Variants in ARHGAP24 observed in about 807,000 individuals in gnomAD.
The protein encoded by ARHGAP24 is Rho GTPase activating protein 24.
A neutral mutation model predicts 76.4 loss-of-function variants in ARHGAP24; 50 were observed. The observed-to-expected ratio is 0.65, with a 90% CI of 0.52 to 0.83. The LOEUF is 0.83. Ranked by LOEUF, ARHGAP24 falls within the 40% of genes least tolerant of loss-of-function variation. The probability of loss-of-function intolerance (pLI) is 0.00; values close to 1 mark genes in which losing one functional copy is unlikely to be tolerated. For missense variants in ARHGAP24, 930 were observed against 914.2 expected (o/e 1.02, Z -0.22); for synonymous variants, 345 against 323.3 (o/e 1.07, Z -0.72).
chr4:85,687,633 T>G (rs1218900924), intron 2 of ARHGAP24, among the ~76,000 whole-genome samples: 1 of 152,216 alleles, frequency 6.6e-6, no homozygotes, highest in Admixed American at 6.5e-5. Flanking sequence ...GTTGTATATA[T>G]ACCATATATT....
At chr4:85,725,659 G>T (rs1273311073) in intron 3 of ARHGAP24, among the ~76,000 whole-genome samples, 1 of 152,178 alleles carries the variant, frequency 6.6e-6, no homozygotes, top group Non-Finnish European at 1.5e-5. Flanking sequence ...GATTTTTCAG[G>T]GTCTCTGGAA....
chr4:85,783,278 T>G (rs994111606), intron 3 of ARHGAP24, among the ~76,000 whole-genome samples: 1 of 152,192 alleles, frequency 6.6e-6, no homozygotes, highest in Non-Finnish European at 1.5e-5. Context: ...AAAAAAAATT[T>G]TACTGTTGTG....
chr4:85,550,460 A>G (rs1438308044), intron 1 of ARHGAP24, among the ~76,000 whole-genome samples: 1 of 152,136 alleles, frequency 6.6e-6, no homozygotes, highest in Non-Finnish European at 1.5e-5. Context: ...TTGTAGTATA[A>G]TGTAAAGCTG....
chr4:85,882,767 G>C (rs75476451), intron 3 of ARHGAP24, among the ~76,000 whole-genome samples: 1 of 152,158 alleles, frequency 6.6e-6, no homozygotes, highest in African/African-American at 2.4e-5. Context: ...GACAATGCTG[G>C]TGTCAATGTA....
chr4:85,655,826 G>GAA (rs1198923130), intron 2 of ARHGAP24, among the ~76,000 whole-genome samples: 2 of 88,710 alleles, frequency 2.3e-5, no homozygotes, highest in African/African-American at 7.7e-5. Flanking sequence ...GAAAGAGAGA[G>GAA]AGAGAGAGAG....
intron 3 of ARHGAP24, among the ~76,000 whole-genome samples, chr4:85,860,630 C>T (rs1030309856): frequency 2.6e-4 from 39 of 151,908 alleles, no homozygotes; most frequent in South Asian, 4.2e-4. Context: ...ATGGGACGAC[C>T]GTGAAATGAT....
intron 2 of ARHGAP24, among the ~76,000 whole-genome samples, chr4:85,714,618 T>C (rs968768922): frequency 1.3e-5 from 2 of 152,126 alleles, no homozygotes; most frequent in African/African-American, 4.8e-5. Context: ...ATGTAGTACA[T>C]TCTACAGTGT....
chr4:85,527,942 C>T (rs1234968150), intron 1 of ARHGAP24, among the ~76,000 whole-genome samples: 1 of 152,000 alleles, frequency 6.6e-6, no homozygotes, highest in Non-Finnish European at 1.5e-5. Flanking sequence ...TGATTAGTAC[C>T]TTTTATGTGT....
intron 9 of ARHGAP24, among the ~76,000 whole-genome samples, chr4:85,998,348 G>A (rs576239386): frequency 1.1e-4 from 16 of 152,110 alleles, no homozygotes; most frequent in African/African-American, 3.4e-4. Context: ...TTGTAATAAT[G>A]CTTTTTACCT....
At chr4:85,864,992 C>T (rs1448337751) in intron 3 of ARHGAP24, among the ~76,000 whole-genome samples, 2 of 152,002 alleles carry the variant, frequency 1.3e-5, no homozygotes, top group African/African-American at 4.8e-5. Flanking sequence ...ATTCATCTCC[C>T]TTCTTCATGT....
intron 2 of ARHGAP24, among the ~76,000 whole-genome samples, chr4:85,607,889 G>C (rs1720254841): frequency 6.6e-6 from 1 of 151,662 alleles, no homozygotes. Context: ...ATATGAAAGT[G>C]CATGATGCCT....
intron 3 of ARHGAP24, among the ~76,000 whole-genome samples, chr4:85,915,565 C>T (rs1041494512): frequency 1.3e-4 from 19 of 151,816 alleles, no homozygotes; most frequent in African/African-American, 3.9e-4. Context: ...TGCTATCCCT[C>T]CCCTAGCCCC....
At position 85,970,502 on chromosome 4, in the gene ARHGAP24, TA is replaced by T. The variant is rs536015730; in HGVS notation, c.600-1533del. Among the ~76,000 whole-genome samples, 154 of 152,278 alleles carry T rather than the reference TA, an allele frequency of 1.0e-3. No individual in the cohort carries two copies. The South Asian group carries it at 0.012, about 12-fold the overall frequency. ...TCTTTTATTTAAACCCCTGAGGTCCTAGCCCAGGGGTTTCTATAATACCCAT... is the reference window on the plus strand; with the variant it reads ...TCTTTTATTTAAACCCCTGAGGTCCTGCCCAGGGGTTTCTATAATACCCAT... On this transcript the variant is annotated intron_variant, in intron 5 of 9. Transcript: ENST00000395184.
At chr4:85,687,057 T>G (rs1723448909) in intron 2 of ARHGAP24, among the ~76,000 whole-genome samples, 1 of 151,798 alleles carries the variant, frequency 6.6e-6, no homozygotes, top group South Asian at 2.1e-4. Context: ...TCAAGAAAAA[T>G]TGCTAATTAG....
chr4:85,659,072 A>G (rs541895421), intron 2 of ARHGAP24, among the ~76,000 whole-genome samples: 9 of 152,264 alleles, frequency 5.9e-5, no homozygotes, highest in Admixed American at 1.3e-4. Flanking sequence ...GTCTGGAGAC[A>G]GTGTCTGGCT....
intron 2 of ARHGAP24, among the ~76,000 whole-genome samples, chr4:85,686,965 C>T (rs959625688): frequency 1.3e-5 from 2 of 152,028 alleles, no homozygotes; most frequent in African/African-American, 4.8e-5. Flanking sequence ...TTACCATTAA[C>T]TTCTTTGTAT....
chr4:85,835,418 G>A (rs1211727660), intron 3 of ARHGAP24, among the ~76,000 whole-genome samples: 1 of 151,656 alleles, frequency 6.6e-6, no homozygotes, highest in Non-Finnish European at 1.5e-5. Flanking sequence ...AAATTAGCCA[G>A]GCGTGGTGGC....
At chr4:85,635,264 A>G (rs1721280371) in intron 2 of ARHGAP24, among the ~76,000 whole-genome samples, 1 of 148,370 alleles carries the variant, frequency 6.7e-6, no homozygotes, top group Admixed American at 6.7e-5. Context: ...TGTACCTGCC[A>G]TAGTTACCCA....
chr4:85,685,920 G>C (rs985818426), intron 2 of ARHGAP24, among the ~76,000 whole-genome samples: 1 of 152,240 alleles, frequency 6.6e-6, no homozygotes, highest in Non-Finnish European at 1.5e-5. Context: ...GTAACAGGGT[G>C]GATTGGTAGT....
Sources: allele counts gnomAD v4.1 joint callset (sites outside exome capture counted in the v4.1 genomes callset), GRCh38; gene constraint gnomAD v4.1.1; transcripts MANE v1.5; gene names NCBI Gene and HGNC (gene_info 2026-07-23, HGNC 2026-07-21).